The following SPAG16 variants were observed in gnomAD, a reference collection of about 807,000 sequenced individuals.
SPAG16 encodes the protein sperm-associated antigen 16 protein.
Under a neutral mutation model 80.4 loss-of-function variants are expected in SPAG16, and 86 were observed. The ratio of observed to expected loss-of-function variants is 1.07; its 90% CI spans 0.90 to 1.28. The LOEUF (loss-of-function observed/expected upper bound fraction) is 1.28, where lower values mean the gene tolerates loss of function less well. Ranked by LOEUF, SPAG16 falls within the 50% of genes most tolerant of loss-of-function variation. The pLI, the probability that SPAG16 is intolerant of heterozygous loss-of-function variation, is 0.00. For synonymous variants in SPAG16, 294 were observed against 265.9 expected, an observed-to-expected ratio of 1.11 and a Z score of -1.03; for missense variants, 870 against 765.3, an observed-to-expected ratio of 1.14 and a Z score of -1.61.
intron 10 of SPAG16, among the ~76,000 whole-genome samples, chr2:213,822,340 T>C (rs2072996040): frequency 6.6e-6 from 1 of 152,228 alleles, no homozygotes. Context: ...TTTTGAGAAA[T>C]GTCTATTCAA....
intron 10 of SPAG16, among the ~76,000 whole-genome samples, chr2:213,855,742 A>G (rs1173291132): frequency 6.6e-6 from 1 of 152,160 alleles, no homozygotes; most frequent in African/African-American, 2.4e-5. Context: ...ATATGAAACC[A>G]TCAGATCTCA....
At position 213,340,029 on chromosome 2, in the gene SPAG16, C is replaced by G. The variant is rs184513933; in HGVS notation, c.537-134C>G. 3.4e-5 allele frequency: 21 copies of G among 626,280 alleles called. No individual in the cohort carries two copies. In the Admixed American group the frequency reaches 6.6e-4, roughly 20 times the overall value. 38.8% of individuals were successfully genotyped at this position (626,280 alleles called of 1,614,324 possible). On this transcript the variant is annotated intron_variant, in intron 5 of 15. Transcript: ENST00000331683. ...ACAAATTATGTTTGATGAGAATCTT[C>G]GATGAGAATTATAGCAAAATATTTG... is the stretch of plus-strand genomic sequence containing the variant.
intron 12 of SPAG16, among the ~76,000 whole-genome samples, chr2:213,948,221 ACTTT>A (rs1675408418): frequency 6.6e-6 from 1 of 152,146 alleles, no homozygotes; most frequent in African/African-American, 2.4e-5. Flanking sequence ...TAATAGCTAC[ACTTT>A]CTTTTCCCCT....
intron 1 of SPAG16, among the ~76,000 whole-genome samples, chr2:213,295,589 T>C (rs1167187479): frequency 6.6e-6 from 1 of 152,098 alleles, no homozygotes; most frequent in Non-Finnish European, 1.5e-5. Context: ...CGTGCATTTG[T>C]TTTGTTCATT....
chr2:214,351,202 T>C (rs988565350), intron 15 of SPAG16, among the ~76,000 whole-genome samples: 2 of 152,152 alleles, frequency 1.3e-5, no homozygotes, highest in Non-Finnish European at 2.9e-5. Flanking sequence ...GAAAGCAAAT[T>C]TGAAATTACT....
intron 12 of SPAG16, among the ~76,000 whole-genome samples, chr2:213,942,836 C>A (rs992838440): frequency 6.6e-6 from 1 of 152,122 alleles, no homozygotes; most frequent in Non-Finnish European, 1.5e-5. Context: ...GAACTAAGTG[C>A]TTGTGTCCCT....
At chr2:214,214,381 G>A (rs2058376291) in intron 15 of SPAG16, among the ~76,000 whole-genome samples, 1 of 152,010 alleles carries the variant, frequency 6.6e-6, no homozygotes, top group South Asian at 2.1e-4. Context: ...TGTTGGCCAG[G>A]CTGGTCTCAA....
At chr2:214,108,946 C>T (rs114318936) in intron 14 of SPAG16, among the ~76,000 whole-genome samples, 350 of 152,142 alleles carry the variant, frequency 2.3e-3, no homozygotes, top group African/African-American at 8.3e-3. Flanking sequence ...AAACTTAATC[C>T]CCAATGCAAG....
chr2:214,041,316 G>A (rs931899189), intron 13 of SPAG16, among the ~76,000 whole-genome samples: 3 of 151,416 alleles, frequency 2.0e-5, no homozygotes, highest in Non-Finnish European at 4.4e-5. Flanking sequence ...TACTTTTTGG[G>A]GGTTGCAGAA....
intron 13 of SPAG16, among the ~76,000 whole-genome samples, chr2:214,031,722 T>C (rs1195495206): frequency 6.6e-6 from 1 of 151,564 alleles, no homozygotes; most frequent in Non-Finnish European, 1.5e-5. Context: ...ACAGGCTCTA[T>C]AGGAAGCACA....
intron 10 of SPAG16, among the ~76,000 whole-genome samples, chr2:213,721,217 G>A (rs10084205): frequency 0.34 from 50,887 of 151,794 alleles, 9,707 homozygotes; most frequent in East Asian, 0.57. Context: ...TCTTGCCTCA[G>A]CCTCCCGAGT....
At chr2:213,378,022 C>T (rs1423380891) in intron 9 of SPAG16, among the ~76,000 whole-genome samples, 5 of 151,720 alleles carry the variant, frequency 3.3e-5, no homozygotes, top group African/African-American at 4.8e-5. Flanking sequence ...CTAAGGAGCA[C>T]GGAGAGCCAG....
Position 213,643,398 on chromosome 2 carries a change from A to G in SPAG16, c.1070+153308A>G, listed in dbSNP as rs1404007616. On this transcript the variant is annotated intron_variant, in intron 10 of 15. Transcript: ENST00000331683. The stretch of plus-strand genomic sequence containing the variant: ...TATATATATATATATATATATATAT[A>G]TATATATATATATTTTATCTCTTGC... Among the ~76,000 whole-genome samples, 50 of 44,264 alleles carry G rather than the reference A, an allele frequency of 1.1e-3. 2 individuals carry two copies. Among genetic ancestry groups the G allele is most frequent in the South Asian group, 6.9e-3 (9 of 1,304 alleles). The allele number at this position is 44,264 out of a possible 152,430, so 29.0% of individuals were successfully genotyped here.
intron 10 of SPAG16, among the ~76,000 whole-genome samples, chr2:213,574,967 A>G (rs1434971303): frequency 1.3e-5 from 2 of 152,084 alleles, no homozygotes; most frequent in Non-Finnish European, 2.9e-5. Flanking sequence ...ATTTCTATCC[A>G]TAACCATTAT....
intron 11 of SPAG16, among the ~76,000 whole-genome samples, chr2:213,898,550 C>G (rs2077086534): frequency 1.3e-5 from 2 of 152,086 alleles, no homozygotes; most frequent in South Asian, 2.1e-4. Flanking sequence ...TATGGTGGAA[C>G]AGATGGTTCT....
intron 9 of SPAG16, among the ~76,000 whole-genome samples, chr2:213,450,291 C>A (rs770921809): frequency 6.6e-6 from 1 of 152,084 alleles, no homozygotes; most frequent in Non-Finnish European, 1.5e-5. Flanking sequence ...GCGACAGAGC[C>A]AGACTCTGTC....
At chr2:214,150,028 T>C (rs1237120294) in intron 15 of SPAG16, among the ~76,000 whole-genome samples, 8 of 152,154 alleles carry the variant, frequency 5.3e-5, no homozygotes, top group Non-Finnish European at 1.2e-4. Context: ...TAAACTATTT[T>C]AAGTTTTGAG....
At chr2:213,877,116 A>G (rs1365821) in intron 11 of SPAG16, among the ~76,000 whole-genome samples, 90,380 of 151,956 alleles carry the variant, frequency 0.59, 28,762 homozygotes, top group South Asian at 0.85. Context: ...AGTGCCTTTA[A>G]CATGTACTTT....
At chr2:213,698,926 A>C (rs577648987) in intron 10 of SPAG16, among the ~76,000 whole-genome samples, 1 of 152,256 alleles carries the variant, frequency 6.6e-6, no homozygotes, top group African/African-American at 2.4e-5. Flanking sequence ...GAGATAATGC[A>C]CATCAAGTAC....
Sources: gnomAD v4.1 joint callset for allele counts (sites outside exome capture counted in the v4.1 genomes callset) on GRCh38, gnomAD v4.1.1 for gene constraint, MANE v1.5 for transcripts, NCBI Gene and HGNC (gene_info 2026-07-23, HGNC 2026-07-21) for gene names.